DSE: variants seen among roughly 807,000 people sequenced by gnomAD.
DSE encodes the protein dermatan sulfate epimerase.
Under a neutral mutation model 84.4 loss-of-function variants are expected in DSE, and 36 were observed. The ratio of observed to expected loss-of-function variants is 0.43; its 90% CI spans 0.33 to 0.56. The LOEUF (loss-of-function observed/expected upper bound fraction) is 0.56. Ranked by LOEUF, DSE falls within the 20% of genes least tolerant of loss-of-function variation. The pLI is 0.06. For missense variants in DSE, 862 were observed against 1,169.6 expected (o/e 0.74, Z 3.84); for synonymous variants, 410 against 430.1 (o/e 0.95, Z 0.58).
chr6:116,316,064 G>A (rs1374795603), intron 2 of DSE, among the ~76,000 whole-genome samples: 1 of 152,030 alleles, frequency 6.6e-6, no homozygotes, highest in Non-Finnish European at 1.5e-5. Flanking sequence ...TGAGTTTGGA[G>A]TCACAATATT....
chr6:116,309,603 G>T (rs571184817), intron 2 of DSE, among the ~76,000 whole-genome samples: 3 of 152,292 alleles, frequency 2.0e-5, no homozygotes, highest in African/African-American at 7.2e-5. Flanking sequence ...TCTGAGACTA[G>T]GTAATTTATA....
intron 2 of DSE, among the ~76,000 whole-genome samples, chr6:116,316,667 T>G (rs930108204): frequency 3.9e-5 from 6 of 152,018 alleles, no homozygotes; most frequent in Admixed American, 1.3e-4. Context: ...TGACCTGAAA[T>G]GACAGCTAGT....
chr6:116,346,973 A>G (rs901508407), intron 2 of DSE, among the ~76,000 whole-genome samples: 3 of 152,192 alleles, frequency 2.0e-5, no homozygotes, highest in African/African-American at 7.2e-5. Context: ...CTATACACCA[A>G]TAACAGACAA....
chr6:116,270,458 A>C (rs1772831486), intron 2 of DSE, among the ~76,000 whole-genome samples: 2 of 152,314 alleles, frequency 1.3e-5, no homozygotes, highest in South Asian at 2.1e-4. Flanking sequence ...ACTAAACCTC[A>C]ATAAATATAC....
chr6:116,443,077 G>A lies in DSE; in HGVS notation c.*5732G>A, dbSNP rs1456563107. ...TTTGCATTTTAGAAAGGCAATTTTAGCTTCAGTGTAGAGAGTGGACCCAAT... is the reference window on the plus strand; with the variant it reads ...TTTGCATTTTAGAAAGGCAATTTTAACTTCAGTGTAGAGAGTGGACCCAAT... On this transcript the variant is annotated 3_prime_UTR_variant, in exon 6 of 6. Transcript: ENST00000644252. The A allele has an allele frequency of 6.6e-6, 1 of 152,196 alleles. No individual in the cohort carries two copies. The highest frequency in any genetic ancestry group is 1.9e-4 in the East Asian group (1 of 5,200). The allele number at this position is 152,196 out of a possible 1,614,324, so 9.4% of individuals were successfully genotyped here.
intron 1 of DSE, among the ~76,000 whole-genome samples, chr6:116,258,056 A>T (rs1031767808): frequency 1.2e-4 from 18 of 152,166 alleles, no homozygotes; most frequent in African/African-American, 3.9e-4. Flanking sequence ...TCGCTCTGTC[A>T]CAGCCAGGCT....
intron 2 of DSE, among the ~76,000 whole-genome samples, chr6:116,409,698 T>C (rs1782189100): frequency 6.6e-6 from 1 of 152,214 alleles, no homozygotes; most frequent in Admixed American, 6.5e-5. Context: ...ATGGAAGATA[T>C]AAATACTAAT....
chr6:116,374,649 C>G (rs573185477), intron 1 of DSE, among the ~76,000 whole-genome samples: 5 of 152,230 alleles, frequency 3.3e-5, no homozygotes, highest in African/African-American at 1.2e-4. Context: ...GGGGCTGCAT[C>G]TGGGGAGGGC....
At chr6:116,362,839 G>A (rs1778978257) in intron 2 of DSE, among the ~76,000 whole-genome samples, 1 of 152,128 alleles carries the variant, frequency 6.6e-6, no homozygotes, top group African/African-American at 2.4e-5. Flanking sequence ...TTTCCTGGGT[G>A]GTCCTAAAGT....
At chr6:116,283,526 TTTGTTG>T (rs148204266) in intron 2 of DSE, among the ~76,000 whole-genome samples, 108 of 149,238 alleles carry the variant, frequency 7.2e-4, no homozygotes, top group East Asian at 1.8e-3. Context: ...GGGTAGATTC[TTTGTTG>T]TTGTTGTTGT....
chr6:116,374,922 A>G lies in DSE; in HGVS notation c.-54+3801A>G, dbSNP rs138069191. Among the ~76,000 whole-genome samples, 4 of 152,332 alleles carry G rather than the reference A, an allele frequency of 2.6e-5. No homozygotes were observed. In the East Asian group the frequency reaches 7.7e-4, roughly 29 times the overall value. On this transcript the variant is annotated intron_variant, in intron 1 of 5. Transcript: ENST00000644252. ...GAGGTAAAGTTTCAACATGAGTTTT[A>G]GAGGTGGCAGTTATTCAAACCATAG...
At chr6:116,336,548 G>A (rs1777261368) in intron 2 of DSE, among the ~76,000 whole-genome samples, 1 of 152,132 alleles carries the variant, frequency 6.6e-6, no homozygotes, top group Non-Finnish European at 1.5e-5. Context: ...CCAAGGTTGG[G>A]AGTTCAAGAC....
At chr6:116,331,542 C>T (rs1355069153) in intron 2 of DSE, among the ~76,000 whole-genome samples, 7 of 152,112 alleles carry the variant, frequency 4.6e-5, no homozygotes, top group East Asian at 3.9e-4. Context: ...GATTACAATT[C>T]GGATTACAAT....
At chr6:116,383,447 G>A (rs1780369469) in intron 1 of DSE, among the ~76,000 whole-genome samples, 2 of 152,128 alleles carry the variant, frequency 1.3e-5, no homozygotes, top group African/African-American at 2.4e-5. Flanking sequence ...CAAGAATGGG[G>A]CTAACACTAT....
At chr6:116,403,190 C>T (rs887339388) in intron 2 of DSE, among the ~76,000 whole-genome samples, 1 of 152,170 alleles carries the variant, frequency 6.6e-6, no homozygotes, top group Non-Finnish European at 1.5e-5. Flanking sequence ...GAGGTGCTCG[C>T]ATCCTATCTC....
rs1276557453 is a variant in DSE, at chr6:116,435,982, A to G, written c.1514A>G (p.Asp505Gly). 1.2e-6 allele frequency: 2 copies of G among 1,614,142 alleles called. No homozygotes were observed. Among genetic ancestry groups the G allele is most frequent in the Non-Finnish European group, 1.7e-6 (2 of 1,180,022 alleles). Residue 505 changes from aspartate to glycine, a missense_variant, in exon 6 of 6, where the codon GAC becomes GGC. Around this residue, in one of 4 missense-constraint regions of DSE, gnomAD observed 186 missense variants for 255.1 expected, o/e 0.73. Transcript: ENST00000644252. ...CCCTGGGTGGGTCAGGTCACAGAAG[A>G]CTGCTCATCAAAATGGTCTAAATAC... ...FSPWVGQVTE[D>G]CSSKWSKYKH...
chr6:116,350,720 A>G (rs140399572), intron 2 of DSE, among the ~76,000 whole-genome samples: 1 of 152,330 alleles, frequency 6.6e-6, no homozygotes, highest in African/African-American at 2.4e-5. Flanking sequence ...AGGCAAGTCC[A>G]TACCACTATG....
At chr6:116,292,323 C>G (rs1038686526) in intron 2 of DSE, among the ~76,000 whole-genome samples, 18 of 151,892 alleles carry the variant, frequency 1.2e-4, no homozygotes, top group Non-Finnish European at 2.2e-4. Context: ...GAATGGACTT[C>G]AGGAAGCTAA....
chr6:116,321,995 G>T (rs574876671), intron 2 of DSE, among the ~76,000 whole-genome samples: 2 of 152,214 alleles, frequency 1.3e-5, no homozygotes, highest in South Asian at 4.2e-4. Flanking sequence ...GGTTTGTTCG[G>T]CCGGGGGCAT....
Sources: gnomAD v4.1 joint callset for allele counts (sites outside exome capture counted in the v4.1 genomes callset) on GRCh38, gnomAD v4.1.1 for gene constraint, gnomAD v4.1.1 regional missense constraint, MANE v1.5 for transcripts, NCBI Gene and HGNC (gene_info 2026-07-23, HGNC 2026-07-21) for gene names.